The following UTRN variants were observed in gnomAD, a reference collection of about 807,000 sequenced individuals.
UTRN encodes the protein dystrophin-related protein 1.
A neutral mutation model predicts 463.9 loss-of-function variants in UTRN; 283 were observed. The observed-to-expected ratio is 0.61, with a 90% CI of 0.55 to 0.67. The LOEUF (loss-of-function observed/expected upper bound fraction) is 0.67. UTRN is among the 30% of genes least tolerant of loss of function. UTRN has a pLI of 0.00. For missense variants in UTRN, 3,922 were observed against 4,084.3 expected, an observed-to-expected ratio of 0.96 and a Z score of 1.08; for synonymous variants, 1,442 against 1,431.5, an observed-to-expected ratio of 1.01 and a Z score of -0.17.
At chr6:144,586,894 G>C (rs942144876) in intron 51 of UTRN, among the ~76,000 whole-genome samples, 3 of 152,174 alleles carry the variant, frequency 2.0e-5, no homozygotes, top group Non-Finnish European at 4.4e-5. Flanking sequence ...TTGCTTGAAT[G>C]TATATGTAAA....
chr6:144,360,098 T>TTCCCA (rs1778935301), intron 2 of UTRN, among the ~76,000 whole-genome samples: 1 of 79,078 alleles, frequency 1.3e-5, no homozygotes, highest in Non-Finnish European at 2.1e-5. Context: ...TTCCCTCCCC[T>TTCCCA]CCCCTCCCCT....
intron 2 of UTRN, among the ~76,000 whole-genome samples, chr6:144,379,334 A>G (rs775848432): frequency 6.6e-6 from 1 of 152,184 alleles, no homozygotes; most frequent in African/African-American, 2.4e-5. Flanking sequence ...AGGGTCTGTC[A>G]TGAGATTGCA....
chr6:144,437,657 C>G lies in UTRN; in HGVS notation c.1152C>G (p.Asp384Glu). 6.2e-7 allele frequency: 1 copy of G among 1,614,072 alleles called. No homozygotes were observed. Among genetic ancestry groups the G allele is most frequent in the Non-Finnish European group, 8.5e-7 (1 of 1,180,006 alleles). Residue 384 changes from aspartate (D) to glutamate (E), a missense_variant, in exon 11 of 75, where the codon GAC (aspartate) becomes GAG (glutamate). This residue lies in a region of UTRN where 2,349 missense variants were observed against 2,303.8 expected (regional missense o/e 1.02). Coordinates refer to ENST00000367545, the MANE Select transcript of UTRN (RefSeq NM_007124.3). Reference protein sequence around the residue: ...NQLITQGTLSDEEEFEIQEQM... With the variant: ...NQLITQGTLSEEEEFEIQEQM... The stretch of plus-strand genomic sequence containing the variant: ...TGATAACACAAGGAACTCTGTCAGA[C>G]GAAGAAGAATTTGAGATTCAGGAAC...
chr6:144,291,270 C>G (rs1321040248), intron 1 of UTRN, among the ~76,000 whole-genome samples: 7 of 152,376 alleles, frequency 4.6e-5, no homozygotes, highest in African/African-American at 1.7e-4. Flanking sequence ...TCCAGAAACA[C>G]TGGCTTGTGC....
chr6:144,752,683 A>G (rs924175684), intron 56 of UTRN, among the ~76,000 whole-genome samples: 1 of 152,120 alleles, frequency 6.6e-6, no homozygotes, highest in African/African-American at 2.4e-5. Context: ...AATCTGTTAA[A>G]TTTATGTGTT....
chr6:144,461,382 C>T (rs528708248), intron 22 of UTRN, 40 bp downstream of exon 22: 31 of 1,422,180 alleles, frequency 2.2e-5, no homozygotes, highest in Middle Eastern at 3.8e-4. Flanking sequence ...AGCGCTTCTT[C>T]TAATATCTCC....
At chr6:144,760,755 G>T (rs1792565479) in intron 58 of UTRN, among the ~76,000 whole-genome samples, 1 of 152,122 alleles carries the variant, frequency 6.6e-6, no homozygotes. Context: ...AACAAATTTT[G>T]CATGATTGCC....
chr6:144,522,689 G>T (rs992292709), intron 40 of UTRN, among the ~76,000 whole-genome samples: 6 of 152,046 alleles, frequency 3.9e-5, no homozygotes, highest in Non-Finnish European at 8.8e-5. Context: ...AACATTATTA[G>T]ATATTTGAAA....
chr6:144,568,115 G>A (rs1380884267), intron 50 of UTRN, among the ~76,000 whole-genome samples: 1 of 151,950 alleles, frequency 6.6e-6, no homozygotes, highest in Admixed American at 6.6e-5. Flanking sequence ...TCCCTTTACT[G>A]TAAAGTGTTA....
At chr6:144,519,242 C>T (rs771934910) in intron 39 of UTRN, among the ~76,000 whole-genome samples, 3 of 151,858 alleles carry the variant, frequency 2.0e-5, no homozygotes, top group Admixed American at 2.0e-4. Flanking sequence ...AAGATATAAC[C>T]ATTTAAAATT....
chr6:144,812,273 C>T (rs1420439546), intron 65 of UTRN, among the ~76,000 whole-genome samples: 2 of 151,856 alleles, frequency 1.3e-5, no homozygotes, highest in Admixed American at 6.6e-5. Context: ...GTTGCTTTGC[C>T]GGTCTTTGGG....
intron 51 of UTRN, among the ~76,000 whole-genome samples, chr6:144,656,427 TTG>T (rs1779315094): frequency 1.3e-5 from 2 of 152,354 alleles, no homozygotes; most frequent in East Asian, 3.9e-4. Flanking sequence ...ACTCTTTGTT[TTG>T]AGACAAAGTC....
At chr6:144,364,270 T>C (rs1463605384) in intron 2 of UTRN, among the ~76,000 whole-genome samples, 1 of 152,210 alleles carries the variant, frequency 6.6e-6, no homozygotes, top group Non-Finnish European at 1.5e-5. Flanking sequence ...GTCTGTGCTA[T>C]TGGTTTGTTG....
At chr6:144,793,640 T>C (rs1404043171) in intron 62 of UTRN, among the ~76,000 whole-genome samples, 194 bp from the exon 63 acceptor site, 1 of 152,194 alleles carries the variant, frequency 6.6e-6, no homozygotes, top group African/African-American at 2.4e-5. Flanking sequence ...CTTAAAATAA[T>C]CTAATATCAT....
intron 25 of UTRN, among the ~76,000 whole-genome samples, chr6:144,477,908 T>TATCC (rs57106567): frequency 0.13 from 19,698 of 147,262 alleles, 1,379 homozygotes; most frequent in Middle Eastern, 0.21. Context: ...TCTATCTATC[T>TATCC]ATCCATCCAT....
At chr6:144,753,662 T>C (rs13198393) in intron 56 of UTRN, among the ~76,000 whole-genome samples, 34,644 of 141,926 alleles carry the variant, frequency 0.24, 5,140 homozygotes, top group East Asian at 0.52. Context: ...AGATGTAGAG[T>C]GTCCAACCTG....
Position 144,286,553 on chromosome 6 carries a change from T to G in UTRN, c.-93+732T>G, listed in dbSNP as rs1803677179. Among the ~76,000 whole-genome samples the G allele has an allele frequency of 6.6e-6, 1 of 152,094 alleles. No individual in the cohort carries two copies. Among genetic ancestry groups the G allele is most frequent in the Admixed American group, 6.5e-5 (1 of 15,278 alleles). ...TCTCCTTTTCCGGACTCTGGGGATC[T>G]CTTGCTGCAACTGACAAGGTAATTC... On this transcript the variant is annotated intron_variant, in intron 1 of 74. Transcript: ENST00000367545. The surrounding 1 kb of genome is among the most constrained non-coding windows in gnomAD (Gnocchi z 4.4).
At chr6:144,557,082 G>A (rs1056501019) in intron 49 of UTRN, 75 bp from the exon 50 acceptor site, 23 of 1,508,066 alleles carry the variant, frequency 1.5e-5, no homozygotes, top group Non-Finnish European at 2.1e-5. Flanking sequence ...AAAATCTGCT[G>A]GGAGTACCAT....
intron 53 of UTRN, among the ~76,000 whole-genome samples, chr6:144,727,832 T>A (rs1011270958): frequency 3.7e-4 from 56 of 151,972 alleles, no homozygotes; most frequent in Non-Finnish European, 6.8e-4. Flanking sequence ...GGCTCACAGC[T>A]GTAATCCCAG....
Sources: gnomAD v4.1 joint callset for allele counts (sites outside exome capture counted in the v4.1 genomes callset) on GRCh38, gnomAD v4.1.1 for gene constraint, gnomAD v4.1.1 regional missense constraint, Gnocchi (gnomAD v3.1) non-coding constraint, MANE v1.5 for transcripts, NCBI Gene and HGNC (gene_info 2026-07-23, HGNC 2026-07-21) for gene names.